Variants in LRP4 observed in about 807,000 individuals in gnomAD.
LRP4 encodes the protein LDL receptor related protein 4.
In LRP4, 95 loss-of-function variants were observed where a neutral mutation model predicts 220.3. The observed-to-expected ratio is 0.43, with a 90% CI of 0.37 to 0.51. The LOEUF (loss-of-function observed/expected upper bound fraction) is 0.51. Among genes scored for constraint, LRP4 ranks in the 20% least tolerant of loss-of-function variants. LRP4 has a pLI of 0.00. For missense variants in LRP4, 1,925 were observed against 2,567.0 expected (o/e 0.75, Z 5.40); for synonymous variants, 903 against 954.6 (o/e 0.95, Z 1.00).
intron 1 of LRP4, among the ~76,000 whole-genome samples, chr11:46,913,603 C>T (rs2134889447): frequency 6.6e-6 from 1 of 152,258 alleles, no homozygotes; most frequent in East Asian, 1.9e-4. Context: ...GAGCCTGACT[C>T]CTTTCTCAGG....
At chr11:46,908,004 A>G (rs1941789915) in intron 1 of LRP4, among the ~76,000 whole-genome samples, 1 of 151,670 alleles carries the variant, frequency 6.6e-6, no homozygotes, top group African/African-American at 2.4e-5. Context: ...GCGCGATCTC[A>G]GCTTACGGCA....
At chr11:46,897,457 G>A (rs1446376488) in intron 7 of LRP4, among the ~76,000 whole-genome samples, 5 of 149,902 alleles carry the variant, frequency 3.3e-5, no homozygotes, top group African/African-American at 7.4e-5. Context: ...AATAGTGGAG[G>A]GAAGGTCAGC....
intron 2 of LRP4, among the ~76,000 whole-genome samples, chr11:46,900,584 C>T (rs1941646478): frequency 6.6e-6 from 1 of 151,856 alleles, no homozygotes; most frequent in African/African-American, 2.4e-5. Flanking sequence ...GATTCTGACT[C>T]AGCCTCCCAA....
intron 1 of LRP4, among the ~76,000 whole-genome samples, chr11:46,913,766 T>A (rs1941906285): frequency 6.6e-6 from 1 of 152,088 alleles, no homozygotes; most frequent in African/African-American, 2.4e-5. Context: ...GAGGAAAAGC[T>A]CCATTTCCCC....
chr11:46,899,544 A>G lies in LRP4; in HGVS notation c.431-41T>C, dbSNP rs1941621650. 7.3e-7 allele frequency: 1 copy of G among 1,377,898 alleles called. No individual in the cohort carries two copies. 85.4% of individuals were successfully genotyped at this position (1,377,898 alleles called of 1,614,324 possible). On this transcript the variant is annotated intron_variant, in intron 4 of 37. Coordinates refer to ENST00000378623, the MANE Select transcript of LRP4 (RefSeq NM_002334.4). The surrounding 1 kb of genome is among the most constrained non-coding windows in gnomAD (Gnocchi z 5.9). ...GGGACAGCAGTTCTGAGGGGGCCCC[A>G]CAGGCAACCCTCTCACCCTCCTCTC...
intron 32 of LRP4, 68 bp downstream of exon 32, chr11:46,868,920 A>G (rs1211301180): frequency 4.4e-6 from 7 of 1,605,596 alleles, no homozygotes; most frequent in Non-Finnish European, 5.1e-6. Context: ...TTGGTCCCTA[A>G]CAGTCCTTGG....
chr11:46,865,220 C>T (rs1940663830), intron 34 of LRP4, 34 bp from the exon 35 acceptor site: 3 of 1,486,888 alleles, frequency 2.0e-6, no homozygotes, highest in South Asian at 2.4e-5. Context: ...GTGAAGCCTA[C>T]TCATACTCAG....
rs1280576680 is a variant in LRP4, at chr11:46,860,313, G to T, written c.5386-998C>A. Among the ~76,000 whole-genome samples the T allele has an allele frequency of 3.9e-5, 6 of 152,000 alleles. No homozygotes were observed. In the East Asian group the frequency reaches 1.2e-3, roughly 29 times the overall value. On this transcript the variant is annotated intron_variant, in intron 37 of 37. Transcript: ENST00000378623. ...TATCTGGGTCCTAAACGTCAATATA[G>T]TGGGGTCCTGCAACTTATAACCTTT...
chr11:46,906,771 T>C (rs548276796), intron 1 of LRP4, among the ~76,000 whole-genome samples: 1 of 152,156 alleles, frequency 6.6e-6, no homozygotes, highest in Admixed American at 6.5e-5. Flanking sequence ...ATAACAGAAG[T>C]CCCGATTTCC....
At chr11:46,904,388 C>T (rs533599233) in intron 1 of LRP4, among the ~76,000 whole-genome samples, 1 of 152,282 alleles carries the variant, frequency 6.6e-6, no homozygotes, top group East Asian at 1.9e-4. Context: ...CCATGCCCTC[C>T]AAAAGCAGGG....
chr11:46,881,737 T>C lies in LRP4; in HGVS notation c.2779A>G (p.Ile927Val). 7 of 1,613,134 alleles carry C rather than the reference T, an allele frequency of 4.3e-6. No individual in the cohort carries two copies. The highest frequency in any genetic ancestry group is 5.9e-6 in the Non-Finnish European group (7 of 1,179,958). The change falls in exon 20 of 38, where the codon ATT becomes GTT. Residue 927 changes from isoleucine (I) to valine (V), a missense_variant. By Grantham distance (29) the Ile-to-Val change is conservative. This residue lies in a region of LRP4 where 1,244 missense variants were observed against 1,624.9 expected (regional missense o/e 0.77). Transcript: ENST00000378623. ...LYWADAGMKT[I>V]EFAGLDGSKR... ...CTGCCATCCAGTCCAGCAAATTCAA[T>C]TGTCTTCATGCCGGCGTCAGCCCAG...
intron 19 of LRP4, among the ~76,000 whole-genome samples, chr11:46,882,701 T>C (rs922902099): frequency 1.3e-5 from 2 of 151,194 alleles, no homozygotes; most frequent in Non-Finnish European, 3.0e-5. Flanking sequence ...AAAAAAACTG[T>C]AAAAATTAGC....
In LRP4 at chr11:46,871,576, T is replaced by G; in HGVS notation, c.4641A>C (p.Lys1547Asn). The G allele has an allele frequency of 6.2e-7, 1 of 1,613,490 alleles. No homozygotes were observed. The highest frequency in any genetic ancestry group is 1.3e-5 in the African/African-American group (1 of 75,032). ...CATGGCTGACCAAGACCTGCCGCAG[T>G]TTCCCATTGAGGTCAGCACTCTCGA... ...DRIESADLNG[K>N]LRQVLVSHVS... Residue 1547 changes from lysine (K) to asparagine (N), a missense_variant, in exon 31 of 38, where the codon AAA becomes AAC. By Grantham distance (94) the Lys-to-Asn change is moderately conservative. Around this residue, in one of 3 missense-constraint regions of LRP4, gnomAD observed 1,244 missense variants for 1,624.9 expected, o/e 0.77. Coordinates refer to ENST00000378623, the MANE Select transcript of LRP4 (RefSeq NM_002334.4).
intron 1 of LRP4, among the ~76,000 whole-genome samples, chr11:46,911,356 T>C (rs1018120175): frequency 2.0e-5 from 3 of 152,166 alleles, no homozygotes; most frequent in African/African-American, 7.2e-5. Context: ...ATGGCTGTGC[T>C]CTGTGAAGGG....
Position 46,913,484 on chromosome 11 carries a change from A to G in LRP4, c.52+4844T>C, listed in dbSNP as rs141687339. Among the ~76,000 whole-genome samples, 326 of 152,304 alleles carry G rather than the reference A, an allele frequency of 2.1e-3. 1 individual carries two copies. Among genetic ancestry groups the G allele is most frequent in the African/African-American group, 7.1e-3 (296 of 41,570 alleles). On this transcript the variant is annotated intron_variant, in intron 1 of 37. Coordinates refer to ENST00000378623, the MANE Select transcript of LRP4 (RefSeq NM_002334.4). ...GGGCTATTCGGGGCTGGAGACCCAC[A>G]TCAATTAGGCCTGCAAGCTGACAGG...
At chr11:46,870,785 C>T (rs1356245886) in intron 31 of LRP4, among the ~76,000 whole-genome samples, 1 of 152,014 alleles carries the variant, frequency 6.6e-6, no homozygotes, top group Non-Finnish European at 1.5e-5. Context: ...TTTTCCTGGC[C>T]CAAATTATTT....
Position 46,865,122 on chromosome 11 carries a change from G to A in LRP4, c.5152C>T (p.Pro1718Ser). 2.6e-6 allele frequency: 4 copies of A among 1,561,784 alleles called. No homozygotes were observed. The highest frequency in any genetic ancestry group is 3.5e-6 in the Non-Finnish European group (4 of 1,151,916). ...ARSNDAVPAA[P>S]GEGLHISYAI... ...CAGTGGGGTACTCAGGGCTTACCTG[G>A]AGCAGCAGGAACAGCGTCATTGGAA... The change falls in exon 35 of 38, where the codon CCA (proline) becomes TCA (serine). Residue 1718 changes from proline (P) to serine (S), a missense_variant. Physicochemically the swap from Pro to Ser is moderately conservative, Grantham distance 74. Transcript: ENST00000378623.
Position 46,858,929 on chromosome 11 carries a change from C to T in LRP4, c.*54G>A, listed in dbSNP as rs147627264. The stretch of plus-strand genomic sequence containing the variant: ...CCTGCGGTGTAAGCGAGCACAAGGA[C>T]TAGACGTCCATAAAGGAGAAGGAAC... On this transcript the variant is annotated 3_prime_UTR_variant, in exon 38 of 38. Coordinates refer to ENST00000378623, the MANE Select transcript of LRP4 (RefSeq NM_002334.4). The T allele has an allele frequency of 0.011, 17,174 of 1,547,398 alleles. 106 individuals are homozygous for T. Among genetic ancestry groups the T allele is most frequent in the Non-Finnish European group, 0.013 (15,073 of 1,121,150 alleles).
At chr11:46,880,244 A>G (rs1161258989) in intron 20 of LRP4, among the ~76,000 whole-genome samples, 7 of 149,996 alleles carry the variant, frequency 4.7e-5, no homozygotes, top group Non-Finnish European at 7.4e-5. Flanking sequence ...GGAGCCTCAG[A>G]TGGGAGGATC....
Sources: gnomAD v4.1 joint callset for allele counts (sites outside exome capture counted in the v4.1 genomes callset) on GRCh38, gnomAD v4.1.1 for gene constraint, gnomAD v4.1.1 regional missense constraint, Gnocchi (gnomAD v3.1) non-coding constraint, MANE v1.5 for transcripts, NCBI Gene and HGNC (gene_info 2026-07-23, HGNC 2026-07-21) for gene names.